The following PTPN14 variants were observed in gnomAD, a reference collection of about 807,000 sequenced individuals.
The protein encoded by PTPN14 is protein tyrosine phosphatase non-receptor type 14, also known as tyrosine-protein phosphatase non-receptor type 14.
A neutral mutation model predicts 126.8 loss-of-function variants in PTPN14; 53 were observed. The observed-to-expected ratio is 0.42, with a 90% CI of 0.34 to 0.53. PTPN14 has a LOEUF of 0.53. Among genes scored for constraint, PTPN14 ranks in the 20% least tolerant of loss-of-function variants. PTPN14 has a pLI of 0.08. For synonymous variants in PTPN14, 630 were observed against 599.3 expected (o/e 1.05, Z -0.75); for missense variants, 1,257 against 1,552.9 (o/e 0.81, Z 3.20).
chr1:214,537,464 G>A (rs1385626604), intron 1 of PTPN14, among the ~76,000 whole-genome samples: 2 of 152,178 alleles, frequency 1.3e-5, no homozygotes, highest in East Asian at 3.8e-4. Flanking sequence ...ACCAGCTGTA[G>A]GATCTTGTGC....
At position 214,384,538 on chromosome 1, in the gene PTPN14, G is replaced by A. The variant is rs1408314675; in HGVS notation, c.1317C>T (p.Tyr439=). 4 of 1,614,130 alleles carry A rather than the reference G, an allele frequency of 2.5e-6. No individual in the cohort carries two copies. The highest frequency in any genetic ancestry group is 2.5e-6 in the Non-Finnish European group (3 of 1,180,032). Residue 439 remains tyrosine, a synonymous_variant, in exon 13 of 19, where the codon TAC becomes TAT. Transcript: ENST00000366956. The surrounding 1 kb of genome is among the most constrained non-coding windows in gnomAD (Gnocchi z 5.3). ...HRHSAIIVPS[Y]RPTPDYETVM... ...CTGTCTCATAATCGGGGGTTGGCCTGTACGAGGGCACGATGATCGCGCTGT... is the reference window on the plus strand; with the variant it reads ...CTGTCTCATAATCGGGGGTTGGCCTATACGAGGGCACGATGATCGCGCTGT...
intron 7 of PTPN14, 80 bp from the exon 8 acceptor site, chr1:214,398,081 G>T: frequency 8.8e-7 from 1 of 1,137,346 alleles, no homozygotes; most frequent in Non-Finnish European, 1.3e-6. Context: ...ATATGGAATC[G>T]ACCTGAGTGT....
chr1:214,549,383 CT>C (rs1315264932), intron 1 of PTPN14, among the ~76,000 whole-genome samples: 1 of 152,172 alleles, frequency 6.6e-6, no homozygotes, highest in Non-Finnish European at 1.5e-5. Flanking sequence ...AAAAGAACGA[CT>C]TTAGCACAAC....
rs1470732493 is a variant in PTPN14, at chr1:214,352,401, G to GTCA, written c.*5520_*5521insTGA. 2.6e-5 allele frequency: 4 copies of GTCA among 152,212 alleles called. No homozygotes were observed. The highest frequency in any genetic ancestry group is 5.9e-5 in the Non-Finnish European group (4 of 68,050). 9.4% of individuals were successfully genotyped at this position (152,212 alleles called of 1,614,324 possible). A position where few individuals can be genotyped will look rare whatever the true frequency, so the allele number is the denominator to read the frequency against. On this transcript the variant is annotated 3_prime_UTR_variant, in exon 19 of 19. Coordinates refer to ENST00000366956, the MANE Select transcript of PTPN14 (RefSeq NM_005401.5). ...AAAGCTGAGAGCAGGCTGGATAAAG[G>GTCA]CTGAGTGTTGATGGCGCAAGCTGGT...
At chr1:214,424,850 G>A (rs1222802114) in intron 3 of PTPN14, among the ~76,000 whole-genome samples, 4 of 67,534 alleles carry the variant, frequency 5.9e-5, no homozygotes, top group Admixed American at 3.9e-4. Context: ...TGCCCGGCCC[G>A]CCCACCCTAC....
At chr1:214,515,460 T>C (rs1179871579) in intron 1 of PTPN14, among the ~76,000 whole-genome samples, 1 of 152,100 alleles carries the variant, frequency 6.6e-6, no homozygotes, top group African/African-American at 2.4e-5. Context: ...TGTAATTCTA[T>C]ATATATTTTA....
rs188227527 is a variant in PTPN14 at position 214,412,624 on chromosome 1, A to C, written c.443-873T>G. Reference sequence around the variant, plus strand: ...TGGTTATCACATTCCACCACAACTTATATTTCTGTTGATGTATCTTTCTAA... The same window carrying C: ...TGGTTATCACATTCCACCACAACTTCTATTTCTGTTGATGTATCTTTCTAA... On this transcript the variant is annotated intron_variant, in intron 4 of 18. Transcript: ENST00000366956. 2.0e-5 allele frequency among the ~76,000 whole-genome samples: 3 copies of C among 152,342 alleles called. No individual in the cohort carries two copies. In the East Asian group the frequency reaches 5.8e-4, roughly 29 times the overall value.
chr1:214,466,241 C>T (rs1184431093), intron 1 of PTPN14, among the ~76,000 whole-genome samples: 3 of 150,932 alleles, frequency 2.0e-5, no homozygotes, highest in Non-Finnish European at 4.4e-5. Flanking sequence ...GGGTTACAAG[C>T]GTGAGCCAAC....
At chr1:214,530,820 T>C (rs1194690400) in intron 1 of PTPN14, 3 of 152,200 alleles carry the variant, frequency 2.0e-5, no homozygotes, top group Non-Finnish European at 4.4e-5. Context: ...TTTTTATAAA[T>C]TCAGCCAAGA....
intron 1 of PTPN14, among the ~76,000 whole-genome samples, chr1:214,535,867 A>G (rs1419169529): frequency 6.6e-6 from 1 of 152,062 alleles, no homozygotes; most frequent in Non-Finnish European, 1.5e-5. Context: ...CCTCACCTAT[A>G]TGAGGGTAAA....
intron 13 of PTPN14, 23 bp from the exon 14 acceptor site, chr1:214,378,125 G>A (rs1425486330): frequency 2.5e-6 from 4 of 1,598,794 alleles, no homozygotes; most frequent in African/African-American, 1.3e-5. Flanking sequence ...AAAGGCATGT[G>A]CTCATTGTTT....
chr1:214,383,991 G>A lies in PTPN14; in HGVS notation c.1864C>T (p.Gln622Ter). 1.2e-6 allele frequency: 2 copies of A among 1,609,664 alleles called. No homozygotes were observed. The highest frequency in any genetic ancestry group is 1.1e-5 in the South Asian group (1 of 91,048). The change falls in exon 13 of 19, where the codon CAG becomes TAG. Residue 622 changes from glutamine (Q) to a stop codon, truncating the protein, a stop_gained. Transcript: ENST00000366956. LOFTEE classifies it high-confidence loss of function. This position sits in a 1 kb window ranked among gnomAD's most constrained non-coding sequence, Gnocchi z 4.4. ...DSSPVVHQSL[Q>*]EVSEPLTATK... Reference sequence around the variant, plus strand: ...GCCGTGAGGGGCTCGCTCACCTCCTGGAGAGACTGATGAACCACCGGAGAG... The same window carrying A: ...GCCGTGAGGGGCTCGCTCACCTCCTAGAGAGACTGATGAACCACCGGAGAG...
chr1:214,532,512 A>C (rs1284528278), intron 1 of PTPN14: 1 of 946,092 alleles, frequency 1.1e-6, no homozygotes, highest in African/African-American at 1.6e-5. Context: ...GCTGGAGAGC[A>C]AAATCTGGGA....
At chr1:214,389,807 C>T (rs528710177) in intron 11 of PTPN14, among the ~76,000 whole-genome samples, 53 of 152,264 alleles carry the variant, frequency 3.5e-4, no homozygotes, top group African/African-American at 1.2e-3. Flanking sequence ...AGGAAGATAA[C>T]ATTCATAAAG....
At position 214,464,616 on chromosome 1, in the gene PTPN14, C is replaced by G; in HGVS notation, c.174+14G>C. On this transcript the variant is annotated intron_variant, in intron 2 of 18. Coordinates refer to ENST00000366956, the MANE Select transcript of PTPN14 (RefSeq NM_005401.5). ...ATGCACGCGCACATGCGCACACAGA[C>G]ACACCCCTCTTACCTCTCGCAGCTC... The G allele has an allele frequency of 6.2e-7, 1 of 1,613,082 alleles. No individual in the cohort carries two copies. Among genetic ancestry groups the G allele is most frequent in the Non-Finnish European group, 8.5e-7 (1 of 1,179,076 alleles).
chr1:214,533,074 G>C (rs1655595610), intron 1 of PTPN14: 3 of 740,668 alleles, frequency 4.1e-6, no homozygotes, highest in Non-Finnish European at 4.9e-6. Flanking sequence ...CACGGAGCTG[G>C]GACGTACGGT....
intron 3 of PTPN14, among the ~76,000 whole-genome samples, chr1:214,416,987 C>T (rs1007995513): frequency 6.6e-5 from 10 of 151,774 alleles, no homozygotes; most frequent in African/African-American, 2.4e-4. Context: ...AAGTATACTC[C>T]ACCCTGTCAT....
intron 3 of PTPN14, among the ~76,000 whole-genome samples, chr1:214,421,077 C>T (rs1659533005): frequency 6.6e-6 from 1 of 152,192 alleles, no homozygotes; most frequent in Admixed American, 6.5e-5. Flanking sequence ...AAACTGAGAA[C>T]ACATGTTCAC....
intron 1 of PTPN14, among the ~76,000 whole-genome samples, chr1:214,506,018 A>T (rs1243441529): frequency 6.6e-6 from 1 of 152,206 alleles, no homozygotes; most frequent in Non-Finnish European, 1.5e-5. Flanking sequence ...ACAGAGAGAC[A>T]CTGGCCACGT....
Sources: allele counts gnomAD v4.1 joint callset (sites outside exome capture counted in the v4.1 genomes callset), GRCh38; gene constraint gnomAD v4.1.1; non-coding constraint Gnocchi (gnomAD v3.1); transcripts MANE v1.5; gene names NCBI Gene and HGNC (gene_info 2026-07-23, HGNC 2026-07-21).